Variants in ARMC9 observed in about 807,000 individuals in gnomAD.
ARMC9 encodes the protein lisH domain-containing protein ARMC9.
In ARMC9, 94 loss-of-function variants were observed where a neutral mutation model predicts 107.0. The ratio of observed to expected loss-of-function variants is 0.88; its 90% CI spans 0.74 to 1.04. The LOEUF (loss-of-function observed/expected upper bound fraction) is 1.04. Ranked by LOEUF, ARMC9 falls within the 50% of genes least tolerant of loss-of-function variation. The pLI is 0.00. For synonymous variants in ARMC9, 380 were observed against 396.9 expected (o/e 0.96, Z 0.51); for missense variants, 942 against 1,030.1 (o/e 0.91, Z 1.17).
chr2:231,289,864 C>T (rs2040868592), intron 17 of ARMC9, among the ~76,000 whole-genome samples: 1 of 152,218 alleles, frequency 6.6e-6, no homozygotes, highest in East Asian at 1.9e-4. Context: ...TCTTCTCTCA[C>T]TGCCATCACT....
intron 9 of ARMC9, among the ~76,000 whole-genome samples, chr2:231,253,331 T>C (rs540504165): frequency 6.6e-6 from 1 of 152,218 alleles, no homozygotes; most frequent in South Asian, 2.1e-4. Flanking sequence ...GCCAGGCTGG[T>C]CTTGAACTCC....
At chr2:231,290,310 A>G (rs539705037) in intron 17 of ARMC9, among the ~76,000 whole-genome samples, 163 of 152,270 alleles carry the variant, frequency 1.1e-3, no homozygotes, top group Non-Finnish European at 2.0e-3. Context: ...AGAACTCAGC[A>G]TGTTCAAAGC....
At chr2:231,281,139 G>A (rs1729084) in intron 16 of ARMC9, among the ~76,000 whole-genome samples, 33,637 of 150,566 alleles carry the variant, frequency 0.22, 4,666 homozygotes, top group Admixed American at 0.36. Flanking sequence ...TAATAAAGGG[G>A]ACATAGTGTG....
chr2:231,332,035 A>C lies in ARMC9; in HGVS notation c.1878+138A>C, dbSNP rs952873682. 15 of 715,494 alleles carry C rather than the reference A, an allele frequency of 2.1e-5. No homozygotes were observed. The South Asian group carries it at 2.5e-4, about 12-fold the overall frequency. The allele number at this position is 715,494 out of a possible 1,614,324, so 44.3% of individuals were successfully genotyped here. ...ATTTATGAGAAGGTCCATGTTAGCC[A>C]GTCTGCTCTCAGTGGCCCTGAAATG... is the stretch of plus-strand genomic sequence containing the variant. On this transcript the variant is annotated intron_variant, in intron 20 of 24. Coordinates refer to ENST00000611582, the MANE Select transcript of ARMC9 (RefSeq NM_001352754.2).
rs141503986 is a variant in ARMC9 at position 231,358,648 on chromosome 2, G to A, written c.2132-2106G>A. ...ACCCCGTGGAAACCCCCACCTTCAC[G>A]CTGAGTTTCTTGAGGAAGAGCCTTT... is the stretch of plus-strand genomic sequence containing the variant. On this transcript the variant is annotated intron_variant, in intron 22 of 24. Coordinates refer to ENST00000611582, the MANE Select transcript of ARMC9 (RefSeq NM_001352754.2). The surrounding 1 kb of genome is among the most constrained non-coding windows in gnomAD (Gnocchi z 4.5). Among the ~76,000 whole-genome samples the A allele has an allele frequency of 7.9e-5, 12 of 152,256 alleles. No individual in the cohort carries two copies. In the East Asian group the frequency reaches 1.2e-3, roughly 15 times the overall value.
intron 5 of ARMC9, 80 bp downstream of exon 5, chr2:231,216,873 A>G: frequency 1.4e-6 from 2 of 1,469,784 alleles, no homozygotes; most frequent in Non-Finnish European, 1.8e-6. Flanking sequence ...GGGCTTCTGA[A>G]TGATGCTTTA....
intron 20 of ARMC9, among the ~76,000 whole-genome samples, chr2:231,339,977 A>C (rs2044398026): frequency 6.6e-6 from 1 of 152,204 alleles, no homozygotes; most frequent in Admixed American, 6.5e-5. Flanking sequence ...GCAAAATTTT[A>C]CCTTTCTCCC....
At chr2:231,249,087 G>A (rs1038083857) in intron 9 of ARMC9, among the ~76,000 whole-genome samples, 1 of 152,252 alleles carries the variant, frequency 6.6e-6, no homozygotes, top group South Asian at 2.1e-4. Context: ...CATCTTCAGG[G>A]GCTCACTGGT....
intron 5 of ARMC9, among the ~76,000 whole-genome samples, chr2:231,220,206 CT>C (rs898057947): frequency 1.3e-5 from 2 of 151,224 alleles, no homozygotes; most frequent in Non-Finnish European, 3.0e-5. Flanking sequence ...TCAGTTAACT[CT>C]TTTTTTTTCA....
At chr2:231,249,129 C>T (rs1267101035) in intron 9 of ARMC9, among the ~76,000 whole-genome samples, 1 of 152,204 alleles carries the variant, frequency 6.6e-6, no homozygotes, top group Non-Finnish European at 1.5e-5. Flanking sequence ...CCCAAACTTA[C>T]TTTCTGCCCC....
intron 1 of ARMC9, among the ~76,000 whole-genome samples, chr2:231,204,214 A>G (rs2125302412): frequency 6.8e-6 from 1 of 147,850 alleles, no homozygotes; most frequent in Non-Finnish European, 1.5e-5. Flanking sequence ...CAGTGGTGTC[A>G]GTCCCCTCCT....
At chr2:231,230,330 G>C (rs2035092546) in intron 7 of ARMC9, among the ~76,000 whole-genome samples, 1 of 152,052 alleles carries the variant, frequency 6.6e-6, no homozygotes, top group Non-Finnish European at 1.5e-5. Flanking sequence ...CACTAGTCTA[G>C]GTGGCAAAGC....
rs1000953234 is a variant in ARMC9, at chr2:231,360,680, C to A, written c.2132-74C>A. 21 of 1,534,770 alleles carry A rather than the reference C, an allele frequency of 1.4e-5. No individual in the cohort carries two copies. Among genetic ancestry groups the A allele is most frequent in the Non-Finnish European group, 1.7e-5 (20 of 1,145,906 alleles). On this transcript the variant is annotated intron_variant, in intron 22 of 24. Transcript: ENST00000611582. This position sits in a 1 kb window ranked among gnomAD's most constrained non-coding sequence, Gnocchi z 4.7. The stretch of plus-strand genomic sequence containing the variant: ...GTGCGTGCTTTTCTTGGCTTTCCAA[C>A]CCAGCCCACGAGAGGGCATCCTTAG...
rs897813285 is a variant in ARMC9 at position 231,376,822 on chromosome 2, C to T, written c.*5287C>T. 2.6e-5 allele frequency among the ~76,000 whole-genome samples: 4 copies of T among 152,112 alleles called. No homozygotes were observed. Among genetic ancestry groups the T allele is most frequent in the African/African-American group, 9.7e-5 (4 of 41,402 alleles). On this transcript the variant is annotated 3_prime_UTR_variant, in exon 25 of 25. Transcript: ENST00000611582. ...CGGATCCTACCAACGTGTGATGTCT[C>T]CCCCGGACACCCAGCTTTACAATTT...
intron 19 of ARMC9, among the ~76,000 whole-genome samples, chr2:231,314,189 C>T (rs2042532259): frequency 6.6e-6 from 1 of 151,824 alleles, no homozygotes; most frequent in Non-Finnish European, 1.5e-5. Flanking sequence ...AAGTGATTCT[C>T]CTGCCTCACC....
At chr2:231,363,328 C>G (rs2045669443) in intron 23 of ARMC9, among the ~76,000 whole-genome samples, 1 of 152,214 alleles carries the variant, frequency 6.6e-6, no homozygotes, top group Non-Finnish European at 1.5e-5. Context: ...CAGGTGAGGT[C>G]TCATACCCAG....
chr2:231,332,077 A>G (rs563774643), intron 20 of ARMC9, among the ~76,000 whole-genome samples, 180 bp downstream of exon 20: 3 of 152,336 alleles, frequency 2.0e-5, no homozygotes, highest in South Asian at 2.1e-4. Flanking sequence ...GGCCCTAGCT[A>G]CCTGTCACAA....
chr2:231,259,426 C>G (rs2038132539), intron 11 of ARMC9, among the ~76,000 whole-genome samples: 1 of 152,174 alleles, frequency 6.6e-6, no homozygotes, highest in African/African-American at 2.4e-5. Flanking sequence ...TACCCACAGT[C>G]CCACAGAGGT....
intron 18 of ARMC9, chr2:231,295,581 G>A (rs2125481538): frequency 6.6e-6 from 1 of 152,232 alleles, no homozygotes; most frequent in South Asian, 2.1e-4. Context: ...GGAAGCCGGG[G>A]CTCTTTCTTT....
Sources: allele counts gnomAD v4.1 joint callset (sites outside exome capture counted in the v4.1 genomes callset), GRCh38; gene constraint gnomAD v4.1.1; non-coding constraint Gnocchi (gnomAD v3.1); transcripts MANE v1.5; gene names NCBI Gene and HGNC (gene_info 2026-07-23, HGNC 2026-07-21).